CBARP: variants seen among roughly 807,000 people sequenced by gnomAD.
CBARP encodes voltage-dependent calcium channel beta subunit-associated regulatory protein.
In CBARP, 24 loss-of-function variants were observed where a neutral mutation model predicts 36.3. The observed-to-expected ratio is 0.66, with a 90% CI of 0.48 to 0.93. CBARP has a LOEUF of 0.93. CBARP is among the 40% of genes least tolerant of loss of function. The pLI, the probability that CBARP is intolerant of heterozygous loss-of-function variation, is 0.00. For synonymous variants in CBARP, 586 were observed against 453.2 expected, an observed-to-expected ratio of 1.29 and a Z score of -3.72; for missense variants, 1,146 against 980.4, an observed-to-expected ratio of 1.17 and a Z score of -2.26.
At chr19:1,236,628 C>G (rs573760589) in intron 1 of CBARP, among the ~76,000 whole-genome samples, 1 of 151,924 alleles carries the variant, frequency 6.6e-6, no homozygotes, top group Admixed American at 6.5e-5. Context: ...CCGCTGCCTG[C>G]GCGCCAGGGA....
In CBARP at chr19:1,236,870, C is replaced by CG. The variant is rs938581954; in HGVS notation, c.-21-750dup. Among the ~76,000 whole-genome samples the CG allele has an allele frequency of 4.0e-3, 49 of 12,170 alleles. No homozygotes were observed. In the South Asian group the frequency reaches 0.053, roughly 13 times the overall value. The allele number at this position is 12,170 out of a possible 152,430, so 8.0% of individuals were successfully genotyped here. On this transcript the variant is annotated intron_variant, in intron 1 of 9. Transcript: ENST00000650044. ...GCGGCCTGGGGGGGGGCGGCGGCCT[C>CG]GGGGGGGCGGGCGCGAAGCCGCAAG...
intron 1 of CBARP, among the ~76,000 whole-genome samples, chr19:1,236,985 C>T (rs1378325875): frequency 6.6e-6 from 1 of 151,878 alleles, no homozygotes; most frequent in Non-Finnish European, 1.5e-5. Context: ...AGGCGGGGCG[C>T]GGCACCAGGG....
chr19:1,229,581 GC>G lies in CBARP; in HGVS notation c.1715del (p.Arg572ProfsTer256). 1 of 1,165,578 alleles carries G rather than the reference GC, an allele frequency of 8.6e-7. No individual in the cohort carries two copies. The highest frequency in any genetic ancestry group is 1.1e-6 in the Non-Finnish European group (1 of 930,876). The allele number at this position is 1,165,578 out of a possible 1,614,324, so 72.2% of individuals were successfully genotyped here. On this transcript the variant is annotated frameshift_variant, in exon 10 of 10. Transcript: ENST00000650044. LOFTEE classifies it low-confidence loss of function (END_TRUNC). This position sits in a 1 kb window ranked among gnomAD's most constrained non-coding sequence, Gnocchi z 5.1. ...ACTGTTTGCGGGCGTGCGGGTGCGC[GC>G]GGGCGCGGTGTCGCGCGGCAGCCGG... is the stretch of plus-strand genomic sequence containing the variant. ...DTPAAARHRA[R>X]AHPHARKQWQ...
Position 1,234,198 on chromosome 19 carries a change from C to G in CBARP, c.761G>C (p.Gly254Ala). Residue 254 changes from glycine to alanine, a missense_variant, in exon 7 of 10, where the codon GGC (glycine) becomes GCC (alanine). Transcript: ENST00000650044. ...ACACGCAGGGGCCCTCACCGAGGTG[C>G]CTTCCCCAGAGTCGCTAGATGCCGA... Reference protein sequence around the residue: ...SPSASSDSGEGTSLDAGTRST... With the variant: ...SPSASSDSGEATSLDAGTRST... 1 of 1,521,218 alleles carries G rather than the reference C, an allele frequency of 6.6e-7. No homozygotes were observed. The highest frequency in any genetic ancestry group is 1.3e-5 in the South Asian group (1 of 76,496). 94.2% of individuals were successfully genotyped at this position (1,521,218 alleles called of 1,614,324 possible). A position where few individuals can be genotyped will look rare whatever the true frequency, so the allele number is the denominator to read the frequency against.
At chr19:1,234,973 G>A in intron 5 of CBARP, 28 bp downstream of exon 5, 1 of 1,588,500 alleles carries the variant, frequency 6.3e-7, no homozygotes, top group Non-Finnish European at 8.6e-7. Flanking sequence ...ACAGGCCCTG[G>A]GGTGCCTCCC....
chr19:1,236,265 C>T, intron 1 of CBARP, 144 bp from the exon 2 acceptor site: 1 of 1,207,004 alleles, frequency 8.3e-7, no homozygotes, highest in Non-Finnish European at 1.1e-6. Flanking sequence ...CGGAGGCAGC[C>T]TCCACCCGGC....
chr19:1,231,868 G>A (rs1447572246), intron 8 of CBARP, among the ~76,000 whole-genome samples: 1 of 152,006 alleles, frequency 6.6e-6, no homozygotes, highest in African/African-American at 2.4e-5. Flanking sequence ...AAGCGAGTGA[G>A]TGGAAGGGCC....
chr19:1,230,717 G>C, intron 9 of CBARP: 1 of 1,282,692 alleles, frequency 7.8e-7, no homozygotes, highest in African/African-American at 1.5e-5. Context: ...CTGCTGGCCG[G>C]AGTGGTCACA....
rs1452597101 is a variant in CBARP, at chr19:1,229,954, G to A, written c.1343C>T (p.Ala448Val). The A allele has an allele frequency of 5.8e-6, 7 of 1,203,376 alleles. No individual in the cohort carries two copies. Among genetic ancestry groups the A allele is most frequent in the Admixed American group, 3.1e-5 (1 of 32,052 alleles). 74.5% of individuals were successfully genotyped at this position (1,203,376 alleles called of 1,614,324 possible). ...GCTGCTGCTGTGGTCCGAGGCGGCC[G>A]CATGCAGCTCAAGCGAGGCGCGCAG... The part of the protein sequence containing the change: ...WSLRASLELH[A>V]AASDHSSSGN... Residue 448 changes from alanine to valine, a missense_variant, in exon 10 of 10, where the codon GCG (alanine) becomes GTG (valine). By Grantham distance (64) the Ala-to-Val change is moderately conservative (BLOSUM62 0). Coordinates refer to ENST00000650044, the MANE Select transcript of CBARP (RefSeq NM_001393918.1). The surrounding 1 kb of genome is among the most constrained non-coding windows in gnomAD (Gnocchi z 5.1).
chr19:1,231,007 G>A (rs1360349715), intron 9 of CBARP, 94 bp downstream of exon 9: 1 of 1,549,392 alleles, frequency 6.5e-7, no homozygotes, highest in Non-Finnish European at 8.7e-7. Flanking sequence ...TGTCCACGGG[G>A]CCTGGAGAGC....
rs868118622 is a variant in CBARP at position 1,230,015 on chromosome 19, C to A, written c.1282G>T (p.Glu428Ter). Reference sequence around the variant, plus strand: ...TCGCGGTAGCTGGTCTGGGCCTGCTCGGGGCCCGCGTCCCGCTCGGCGTCC... The same window carrying A: ...TCGCGGTAGCTGGTCTGGGCCTGCTAGGGGCCCGCGTCCCGCTCGGCGTCC... ...EPDAERDAGPEQAQTSYRDLW... is the reference protein window; with the variant it reads ...EPDAERDAGP Residue 428 changes from glutamate to a stop codon, truncating the protein, a stop_gained, in exon 10 of 10, where the codon GAG (glutamate) becomes TAG (stop). Transcript: ENST00000650044. LOFTEE classifies it low-confidence loss of function (END_TRUNC). 1 of 1,232,814 alleles carries A rather than the reference C, an allele frequency of 8.1e-7. No individual in the cohort carries two copies. Among genetic ancestry groups the A allele is most frequent in the South Asian group, 1.3e-5 (1 of 75,136 alleles). The allele number at this position is 1,232,814 out of a possible 1,614,324, so 76.4% of individuals were successfully genotyped here.
Position 1,236,072 on chromosome 19 carries a change from G to T in CBARP, c.29C>A (p.Ala10Asp). MQPTATMAT[A>D]ATTTTTTTAT... ...AGTGGTGGTGGTGGTGGTGGTGGCGGCTGTGGCCATGGTGGCTGTGGGCTG... is the reference window on the plus strand; with the variant it reads ...AGTGGTGGTGGTGGTGGTGGTGGCGTCTGTGGCCATGGTGGCTGTGGGCTG... Residue 10 changes from alanine to aspartate, a missense_variant, in exon 2 of 10, where the codon GCC (alanine) becomes GAC (aspartate). By Grantham distance (126) the Ala-to-Asp change is moderately radical. Coordinates refer to ENST00000650044, the MANE Select transcript of CBARP (RefSeq NM_001393918.1). 1 of 1,505,276 alleles carries T rather than the reference G, an allele frequency of 6.6e-7. No homozygotes were observed. Among genetic ancestry groups the T allele is most frequent in the Non-Finnish European group, 8.8e-7 (1 of 1,131,474 alleles). The allele number at this position is 1,505,276 out of a possible 1,614,324, so 93.2% of individuals were successfully genotyped here. A position where few individuals can be genotyped will look rare whatever the true frequency, so the allele number is the denominator to read the frequency against.
intron 9 of CBARP, 104 bp downstream of exon 9, chr19:1,230,997 T>C (rs1347036700): frequency 6.5e-7 from 1 of 1,546,194 alleles, no homozygotes. Flanking sequence ...GGCGAGCGCG[T>C]GTCCACGGGG....
chr19:1,236,948 C>T (rs901324681), intron 1 of CBARP, among the ~76,000 whole-genome samples: 1 of 151,740 alleles, frequency 6.6e-6, no homozygotes, highest in Non-Finnish European at 1.5e-5. Context: ...GGAGCATCCC[C>T]GGCCGCCTTA....
Position 1,229,695 on chromosome 19 carries a change from G to A in CBARP, c.1602C>T (p.Arg534=). 1 of 1,026,732 alleles carries A rather than the reference G, an allele frequency of 9.7e-7. No individual in the cohort carries two copies. Among genetic ancestry groups the A allele is most frequent in the Non-Finnish European group, 1.2e-6 (1 of 850,572 alleles). 63.6% of individuals were successfully genotyped at this position (1,026,732 alleles called of 1,614,324 possible). ...ARPRSPRAWP[R]RPRRDYSIDE... is the part of the protein sequence containing the mutation. ...CGATGCTGTAGTCGCGGCGCGGGCGGCGGGGCCAGGCGCGCGGGCTGCGGG... is the reference window on the plus strand; with the variant it reads ...CGATGCTGTAGTCGCGGCGCGGGCGACGGGGCCAGGCGCGCGGGCTGCGGG... The change falls in exon 10 of 10, where the codon CGC becomes CGT. Residue 534 remains arginine, a synonymous_variant. Coordinates refer to ENST00000650044, the MANE Select transcript of CBARP (RefSeq NM_001393918.1). This position sits in a 1 kb window ranked among gnomAD's most constrained non-coding sequence, Gnocchi z 5.1.
rs1036356945 is a variant in CBARP, at chr19:1,229,492, G to A, written c.1805C>T (p.Pro602Leu). The change falls in exon 10 of 10, where the codon CCG becomes CTG. Residue 602 changes from proline (P) to leucine (L), a missense_variant. Physicochemically the swap from Pro to Leu is moderately conservative, Grantham distance 98. Transcript: ENST00000650044. The surrounding 1 kb of genome is among the most constrained non-coding windows in gnomAD (Gnocchi z 5.1). ...ARAAPALAGT[P>L]APPAGAARPA... ...TCGGGCCGCGCCGGCAGGCGGTGCCGGGGTTCCGGCCAGGGCCGGGGCCGC... is the reference window on the plus strand; with the variant it reads ...TCGGGCCGCGCCGGCAGGCGGTGCCAGGGTTCCGGCCAGGGCCGGGGCCGC... The A allele has an allele frequency of 1.1e-5, 11 of 979,068 alleles. No individual in the cohort carries two copies. The highest frequency in any genetic ancestry group is 3.5e-5 in the African/African-American group (2 of 56,532). 60.6% of individuals were successfully genotyped at this position (979,068 alleles called of 1,614,324 possible). A position where few individuals can be genotyped will look rare whatever the true frequency, so the allele number is the denominator to read the frequency against.
chr19:1,230,003 T>C lies in CBARP; in HGVS notation c.1294A>G (p.Thr432Ala). The change falls in exon 10 of 10, where the codon ACC (threonine) becomes GCC (alanine). Residue 432 changes from threonine (T) to alanine (A), a missense_variant. Transcript: ENST00000650044. ...AGGCTCCACAGGTCGCGGTAGCTGG[T>C]CTGGGCCTGCTCGGGGCCCGCGTCC... is the stretch of plus-strand genomic sequence containing the variant. ...ERDAGPEQAQ[T>A]SYRDLWSLRA... 1 of 1,236,100 alleles carries C rather than the reference T, an allele frequency of 8.1e-7. No homozygotes were observed. The highest frequency in any genetic ancestry group is 1.0e-6 in the Non-Finnish European group (1 of 967,050). The allele number at this position is 1,236,100 out of a possible 1,614,324, so 76.6% of individuals were successfully genotyped here.
Position 1,236,072 on chromosome 19 carries a change from G to A in CBARP, c.29C>T (p.Ala10Val), listed in dbSNP as rs148236712. The A allele has an allele frequency of 8.0e-6, 12 of 1,505,266 alleles. No individual in the cohort carries two copies. The highest frequency in any genetic ancestry group is 1.8e-4 in the Middle Eastern group (1 of 5,614). The allele number at this position is 1,505,266 out of a possible 1,614,324, so 93.2% of individuals were successfully genotyped here. A position where few individuals can be genotyped will look rare whatever the true frequency, so the allele number is the denominator to read the frequency against. The part of the protein sequence containing the change: MQPTATMAT[A>V]ATTTTTTTAT... ...AGTGGTGGTGGTGGTGGTGGTGGCG[G>A]CTGTGGCCATGGTGGCTGTGGGCTG... The change falls in exon 2 of 10, where the codon GCC becomes GTC. Residue 10 changes from alanine to valine, a missense_variant. By Grantham distance (64) the Ala-to-Val change is moderately conservative (BLOSUM62 0). Transcript: ENST00000650044.
At position 1,234,746 on chromosome 19, in the gene CBARP, C is replaced by G; in HGVS notation, c.456-4G>C. 1.2e-6 allele frequency: 2 copies of G among 1,611,804 alleles called. No homozygotes were observed. The highest frequency in any genetic ancestry group is 1.7e-6 in the Non-Finnish European group (2 of 1,179,306). ...GTCCCCCTCCGTCAGTGTGTACCTG[C>G]GACAGCATCTGGCCATCAGAGCCCG... is the stretch of plus-strand genomic sequence containing the variant. On this transcript the variant is annotated splice_polypyrimidine_tract_variant and splice_region_variant and intron_variant, in intron 5 of 9. Transcript: ENST00000650044.
Sources: allele counts gnomAD v4.1 joint callset (sites outside exome capture counted in the v4.1 genomes callset), GRCh38; gene constraint gnomAD v4.1.1; non-coding constraint Gnocchi (gnomAD v3.1); transcripts MANE v1.5; gene names NCBI Gene and HGNC (gene_info 2026-07-23, HGNC 2026-07-21).